CPLANE1: variants seen among roughly 807,000 people sequenced by gnomAD.
CPLANE1 encodes the protein ciliogenesis and planar polarity effector 1.
A neutral mutation model predicts 362.5 loss-of-function variants in CPLANE1; 263 were observed. The ratio of observed to expected loss-of-function variants is 0.73; its 90% CI spans 0.66 to 0.80. CPLANE1 has a LOEUF of 0.80. CPLANE1 is among the 30% of genes least tolerant of loss of function. CPLANE1 has a pLI of 0.00. For synonymous variants in CPLANE1, 1,212 were observed against 1,302.6 expected (o/e 0.93, Z 1.50); for missense variants, 3,461 against 3,793.4 (o/e 0.91, Z 2.30).
At chr5:37,200,636 A>G (rs370367658) in intron 19 of CPLANE1, among the ~76,000 whole-genome samples, 12 of 152,206 alleles carry the variant, frequency 7.9e-5, no homozygotes, top group African/African-American at 2.7e-4. Context: ...TCAAATACTT[A>G]AAAGTCTAAA....
rs1293445618 is a variant in CPLANE1 at position 37,169,433 on chromosome 5, G to A, written c.6591C>T (p.Leu2197=). The change falls in exon 34 of 53, where the codon CTC becomes CTT. Residue 2197 remains leucine (L), a synonymous_variant. Transcript: ENST00000651892. ...CAACAGAAGGTGTGGACAAAAGGTA[G>A]AGGTGAGTATTTCCAGCAGGAGCTG... ...FYPAPAGNTH[L]YLLSTPSVVQ... 6.2e-7 allele frequency: 1 copy of A among 1,614,218 alleles called. No individual in the cohort carries two copies. The highest frequency in any genetic ancestry group is 1.7e-5 in the Admixed American group (1 of 60,030).
At chr5:37,204,012 G>C (rs1246104170) in intron 18 of CPLANE1, among the ~76,000 whole-genome samples, 2 of 152,038 alleles carry the variant, frequency 1.3e-5, no homozygotes, top group East Asian at 3.9e-4. Flanking sequence ...GATATTTTTT[G>C]TATTTTATCT....
chr5:37,085,539 G>C, the CPLANE1 span: 1 of 818,216 alleles, frequency 1.2e-6, no homozygotes, highest in Non-Finnish European at 2.2e-6. Context: ...CATTCAGACT[G>C]ATTTGGAGAC....
At chr5:37,224,149 T>C in intron 14 of CPLANE1, 104 bp downstream of exon 14, 5 of 693,258 alleles carry the variant, frequency 7.2e-6, no homozygotes, top group South Asian at 2.0e-5. Flanking sequence ...CCTGCTAATA[T>C]AATGGCACAT....
At position 37,231,019 on chromosome 5, in the gene CPLANE1, C is replaced by T. The variant is rs1161340842; in HGVS notation, c.969G>A (p.Thr323=). ...TACAAGCCAGAAAAAGACTATCATGCGTCCAGCTGATATCACCTACCCAGT... is the reference window on the plus strand; with the variant it reads ...TACAAGCCAGAAAAAGACTATCATGTGTCCAGCTGATATCACCTACCCAGT... ...RSYWVGDISW[T]HDSLFLACML... Residue 323 remains threonine, a synonymous_variant, in exon 9 of 53, where the codon ACG becomes ACA. Coordinates refer to ENST00000651892, the MANE Select transcript of CPLANE1 (RefSeq NM_001384732.1). 5 of 1,545,590 alleles carry T rather than the reference C, an allele frequency of 3.2e-6. No homozygotes were observed. Among genetic ancestry groups the T allele is most frequent in the East Asian group, 2.5e-5 (1 of 40,716 alleles).
intron 47 of CPLANE1, among the ~76,000 whole-genome samples, chr5:37,124,301 T>G (rs1763556112): frequency 1.3e-5 from 2 of 152,060 alleles, no homozygotes; most frequent in South Asian, 2.1e-4. Flanking sequence ...AATGTAATTT[T>G]CATAGTAATG....
intron 14 of CPLANE1, 31 bp from the exon 15 acceptor site, chr5:37,221,519 T>A (rs753131636): frequency 7.0e-7 from 1 of 1,431,764 alleles, no homozygotes; most frequent in East Asian, 2.7e-5. Context: ...ACCTTAAAAG[T>A]ATGTAAGCAA....
intron 21 of CPLANE1, among the ~76,000 whole-genome samples, chr5:37,189,642 C>T (rs1282531669): frequency 1.3e-5 from 2 of 152,128 alleles, no homozygotes; most frequent in Non-Finnish European, 2.9e-5. Context: ...AGTTACTAGG[C>T]TATAAAATCA....
At chr5:37,235,511 C>T (rs1168507266) in intron 8 of CPLANE1, among the ~76,000 whole-genome samples, 1 of 150,132 alleles carries the variant, frequency 6.7e-6, no homozygotes, top group Non-Finnish European at 1.5e-5. Flanking sequence ...AATCCTAAAA[C>T]TCGTATGGAA....
intron 44 of CPLANE1, chr5:37,140,479 G>C: frequency 1.0e-6 from 1 of 984,432 alleles, no homozygotes; most frequent in Non-Finnish European, 1.2e-6. Context: ...TCTAAGATTA[G>C]CGTAATAGTA....
chr5:37,120,298 T>C lies in CPLANE1; in HGVS notation c.9228A>G (p.Gly3076=), dbSNP rs1449602267. Residue 3076 remains glycine (G), a synonymous_variant, in exon 50 of 53, where the codon GGA becomes GGG. Coordinates refer to ENST00000651892, the MANE Select transcript of CPLANE1 (RefSeq NM_001384732.1). ...HGHSFLINRP[G]KVKYMSKPSY... ...TCGGTTTGGACATATATTTGACTTT[T>C]CCAGGTCGATTTATTAGAAAACTGT... 1 of 1,596,028 alleles carries C rather than the reference T, an allele frequency of 6.3e-7. No homozygotes were observed. The highest frequency in any genetic ancestry group is 8.5e-7 in the Non-Finnish European group (1 of 1,174,328).
chr5:37,215,824 TTTTC>T lies in CPLANE1; in HGVS notation c.2747-2096_2747-2093del, dbSNP rs556681202. The stretch of plus-strand genomic sequence containing the variant: ...TCTAAAAAGCACTGATATAAGATTT[TTTTC>T]TTTTTTTCTTTTTTGTTTTTTGAGA... On this transcript the variant is annotated intron_variant, in intron 15 of 52. Transcript: ENST00000651892. Among the ~76,000 whole-genome samples, 462 of 151,104 alleles carry T rather than the reference TTTTC, an allele frequency of 3.1e-3. 2 individuals carry two copies. Among genetic ancestry groups the T allele is most frequent in the African/African-American group, 0.011 (446 of 41,006 alleles).
chr5:37,236,306 G>A (rs1462225377), intron 8 of CPLANE1, among the ~76,000 whole-genome samples: 3 of 152,082 alleles, frequency 2.0e-5, no homozygotes, highest in Admixed American at 6.5e-5. Context: ...CAGCAAAGTC[G>A]ATAAAAATAT....
At chr5:37,122,170 T>G (rs967055027) in intron 48 of CPLANE1, among the ~76,000 whole-genome samples, 1 of 152,156 alleles carries the variant, frequency 6.6e-6, no homozygotes, top group Non-Finnish European at 1.5e-5. Flanking sequence ...ATTTCCCAAA[T>G]GCATGTAAAT....
chr5:37,174,034 A>G (rs922606445), intron 31 of CPLANE1, 87 bp from the exon 32 acceptor site: 1 of 1,138,462 alleles, frequency 8.8e-7, no homozygotes, highest in Non-Finnish European at 1.2e-6. Flanking sequence ...TTTTGATCCC[A>G]CTTTTGTCTT....
intron 46 of CPLANE1, chr5:37,138,457 T>C (rs1446839030): frequency 5.3e-6 from 3 of 563,984 alleles, no homozygotes; most frequent in Admixed American, 2.2e-5. Flanking sequence ...GAGCTAATCA[T>C]TAATTACTTC....
intron 50 of CPLANE1, among the ~76,000 whole-genome samples, chr5:37,119,516 C>T (rs893756411): frequency 2.6e-5 from 4 of 151,918 alleles, no homozygotes; most frequent in African/African-American, 7.2e-5. Context: ...TCTAAAAATA[C>T]AAAATTAGCC....
chr5:37,238,728 A>C (rs1023223493), intron 8 of CPLANE1, 129 bp downstream of exon 8: 14 of 460,308 alleles, frequency 3.0e-5, no homozygotes, highest in Non-Finnish European at 5.5e-5. Flanking sequence ...CAAACTCCTG[A>C]GCTCAAGTGA....
At chr5:37,238,487 CTTTTTTTTTTTT>C (rs869153501) in intron 8 of CPLANE1, among the ~76,000 whole-genome samples, 5 of 80,678 alleles carry the variant, frequency 6.2e-5, no homozygotes, top group African/African-American at 2.8e-4. Context: ...CCAGCCTTTT[CTTTTTTTTTTTT>C]TTTTTTTTTT....
Sources: gnomAD v4.1 joint callset for allele counts (sites outside exome capture counted in the v4.1 genomes callset) on GRCh38, gnomAD v4.1.1 for gene constraint, MANE v1.5 for transcripts, NCBI Gene and HGNC (gene_info 2026-07-23, HGNC 2026-07-21) for gene names.